The following ATG3 variants were observed in gnomAD, a reference collection of about 807,000 sequenced individuals.
ATG3 encodes ubiquitin-like-conjugating enzyme ATG3.
Under a neutral mutation model 50.7 loss-of-function variants are expected in ATG3, and 25 were observed. The ratio of observed to expected loss-of-function variants is 0.49; its 90% CI spans 0.36 to 0.69. The LOEUF (loss-of-function observed/expected upper bound fraction) is 0.69, where lower values mean the gene tolerates loss of function less well. Ranked by LOEUF, ATG3 falls within the 30% of genes least tolerant of loss-of-function variation. ATG3 has a pLI of 0.00. For missense variants in ATG3, 281 were observed against 376.0 expected (o/e 0.75, Z 2.09); for synonymous variants, 119 against 125.5 (o/e 0.95, Z 0.34).
intron 6 of ATG3, among the ~76,000 whole-genome samples, chr3:112,542,855 T>C (rs1933268375): frequency 1.3e-5 from 2 of 152,080 alleles, no homozygotes; most frequent in South Asian, 4.1e-4. Context: ...TCTACACTAC[T>C]GTGCCATTTA....
chr3:112,559,298 T>C (rs1445088012), intron 1 of ATG3, among the ~76,000 whole-genome samples: 1 of 152,206 alleles, frequency 6.6e-6, no homozygotes, highest in African/African-American at 2.4e-5. Flanking sequence ...CTTTAAGTTA[T>C]ATGTAAGATT....
rs368311261 is a variant in ATG3, at chr3:112,558,443, T to C, written c.73-26A>G. 3.5e-5 allele frequency: 53 copies of C among 1,508,154 alleles called. No individual in the cohort carries two copies. In the African/African-American group the frequency reaches 7.0e-4, roughly 20 times the overall value. 93.4% of individuals were successfully genotyped at this position (1,508,154 alleles called of 1,614,324 possible). The stretch of plus-strand genomic sequence containing the variant: ...CTAAAAAAAGCAGAAAGAAAAACAA[T>C]ATTATATCATGTTTCACTATCAATT... On this transcript the variant is annotated intron_variant, in intron 1 of 11. Coordinates refer to ENST00000283290, the MANE Select transcript of ATG3 (RefSeq NM_022488.5).
chr3:112,556,501 G>C (rs1221832262), intron 2 of ATG3, among the ~76,000 whole-genome samples: 1 of 151,824 alleles, frequency 6.6e-6, no homozygotes, highest in Non-Finnish European at 1.5e-5. Context: ...CCCTCTGCCC[G>C]GCCACCACCC....
Position 112,532,823 on chromosome 3 carries a change from CTA to C in ATG3, c.864-45_864-44del, listed in dbSNP as rs564584385. On this transcript the variant is annotated intron_variant, in intron 11 of 11. Transcript: ENST00000283290. Reference sequence around the variant, plus strand: ...AGGAAAATAAGATTTGTAAATAGTTCTATGTTTTAAGCCCATGTTGTAATTAT... The same window carrying C: ...AGGAAAATAAGATTTGTAAATAGTTCTGTTTTAAGCCCATGTTGTAATTAT... 1.5e-4 allele frequency: 236 copies of C among 1,539,230 alleles called. No homozygotes were observed. In the South Asian group the frequency reaches 2.7e-3, roughly 17 times the overall value.
In ATG3 at chr3:112,540,326, A is replaced by G. The variant is rs187260368; in HGVS notation, c.475+1477T>C. Among the ~76,000 whole-genome samples the G allele has an allele frequency of 2.8e-3, 434 of 152,318 alleles. 5 individuals are homozygous for G. The highest frequency in any genetic ancestry group is 0.01 in the African/African-American group (425 of 41,572). On this transcript the variant is annotated intron_variant, in intron 7 of 11. Coordinates refer to ENST00000283290, the MANE Select transcript of ATG3 (RefSeq NM_022488.5). ...CTTGCCATTATGGTGTTTCAACTCT[A>G]CTTGGCACCATCTTCTACTTCTGCA...
At chr3:112,551,450 A>G (rs1933525477) in intron 3 of ATG3, among the ~76,000 whole-genome samples, 1 of 152,206 alleles carries the variant, frequency 6.6e-6, no homozygotes, top group African/African-American at 2.4e-5. Flanking sequence ...TGGCCCAGGA[A>G]TTTAGCCAAA....
At chr3:112,538,107 T>C (rs1933122817) in intron 8 of ATG3, 39 bp downstream of exon 8, 2 of 1,474,932 alleles carry the variant, frequency 1.4e-6, no homozygotes, top group South Asian at 1.2e-5. Flanking sequence ...CCCAAGTTCA[T>C]CCATTAAAAA....
At chr3:112,556,838 AAG>A (rs959593768) in intron 2 of ATG3, among the ~76,000 whole-genome samples, 4 of 151,926 alleles carry the variant, frequency 2.6e-5, no homozygotes, top group Non-Finnish European at 5.9e-5. Flanking sequence ...CATGCTCGTT[AAG>A]AGTCATCACC....
At position 112,557,074 on chromosome 3, in the gene ATG3, T is replaced by C. The variant is rs138366251; in HGVS notation, c.114+1302A>G. 3.8e-4 allele frequency among the ~76,000 whole-genome samples: 58 copies of C among 151,730 alleles called. 1 individual carries two copies. In the East Asian group the frequency reaches 0.01, roughly 27 times the overall value. ...TCTAGAAGGCAGGTCTCCTAGGTTA[T>C]TTCCATACTACCATGTGTCTTCACC... On this transcript the variant is annotated intron_variant, in intron 2 of 11. Transcript: ENST00000283290.
chr3:112,555,012 G>A (rs1469159155), intron 2 of ATG3, among the ~76,000 whole-genome samples: 2 of 152,110 alleles, frequency 1.3e-5, no homozygotes, highest in Non-Finnish European at 2.9e-5. Flanking sequence ...GCTACATTTA[G>A]CTCTGTGGTT....
chr3:112,548,409 TCATGTAA>T (rs1933430951), intron 5 of ATG3, 117 bp downstream of exon 5: 1 of 823,180 alleles, frequency 1.2e-6, no homozygotes, highest in South Asian at 1.8e-5. Flanking sequence ...CCTGCTTTTT[TCATGTAA>T]GTCTATTGGG....
intron 4 of ATG3, among the ~76,000 whole-genome samples, chr3:112,549,809 A>C (rs1933479043): frequency 6.6e-6 from 1 of 151,550 alleles, no homozygotes; most frequent in Non-Finnish European, 1.5e-5. Flanking sequence ...AAAAAAAAAA[A>C]AAAAAAAACC....
At chr3:112,550,297 C>T (rs773995584) in intron 3 of ATG3, 35 bp from the exon 4 acceptor site, 2 of 1,511,416 alleles carry the variant, frequency 1.3e-6, no homozygotes, top group Non-Finnish European at 9.2e-7. Context: ...AAATACAAAA[C>T]ATATTTTAAT....
intron 10 of ATG3, chr3:112,534,602 G>T: frequency 5.0e-6 from 1 of 200,016 alleles, no homozygotes; most frequent in East Asian, 1.1e-4. Flanking sequence ...TACCAGGGGA[G>T]GGCATAATCT....
At chr3:112,561,389 T>C (rs1933870914) in intron 1 of ATG3, 68 bp downstream of exon 1, 1 of 1,531,482 alleles carries the variant, frequency 6.5e-7, no homozygotes, top group Non-Finnish European at 9.0e-7. Flanking sequence ...CGGGGACTCC[T>C]GCGGCGCCTG....
chr3:112,551,136 G>T (rs572618595), intron 3 of ATG3, among the ~76,000 whole-genome samples: 1 of 152,296 alleles, frequency 6.6e-6, no homozygotes, highest in East Asian at 1.9e-4. Context: ...AGGTGGAGTG[G>T]TATGTGGTGC....
At chr3:112,553,184 AT>A in intron 3 of ATG3, 95 bp downstream of exon 3, 1 of 1,014,480 alleles carries the variant, frequency 9.9e-7, no homozygotes, top group East Asian at 2.4e-5. Context: ...TAAACTGGTC[AT>A]TCTAATTTTC....
chr3:112,535,558 AC>A (rs1275895785), intron 10 of ATG3: 1 of 152,162 alleles, frequency 6.6e-6, no homozygotes, highest in Non-Finnish European at 1.5e-5. Flanking sequence ...ATAATTCAAA[AC>A]TAAAACTAAT....
chr3:112,547,683 T>A (rs1933406445), intron 5 of ATG3, among the ~76,000 whole-genome samples: 1 of 152,232 alleles, frequency 6.6e-6, no homozygotes, highest in Admixed American at 6.5e-5. Context: ...AAACCTTGCA[T>A]TCAACTCATT....
Sources: allele counts gnomAD v4.1 joint callset (sites outside exome capture counted in the v4.1 genomes callset), GRCh38; gene constraint gnomAD v4.1.1; transcripts MANE v1.5; gene names NCBI Gene and HGNC (gene_info 2026-07-23, HGNC 2026-07-21).